ALPK1: variants seen among roughly 807,000 people sequenced by gnomAD.
ALPK1 encodes the protein alpha-protein kinase 1.
A neutral mutation model predicts 120.6 loss-of-function variants in ALPK1; 110 were observed. That is an observed-to-expected ratio of 0.91 (90% confidence interval 0.78 to 1.07). The LOEUF is 1.07. Among genes scored for constraint, ALPK1 ranks in the 50% least tolerant of loss-of-function variants. The pLI, the probability that ALPK1 is intolerant of heterozygous loss-of-function variation, is 0.00. For missense variants in ALPK1, 1,498 were observed against 1,483.9 expected (o/e 1.01, Z -0.16); for synonymous variants, 582 against 560.3 (o/e 1.04, Z -0.55).
chr4:112,388,260 A>G (rs1732240251), intron 4 of ALPK1, among the ~76,000 whole-genome samples: 1 of 152,248 alleles, frequency 6.6e-6, no homozygotes, highest in Non-Finnish European at 1.5e-5. Flanking sequence ...ATGAATAAAT[A>G]TAAGAGTTGG....
At chr4:112,343,939 T>C (rs568635439) in intron 2 of ALPK1, among the ~76,000 whole-genome samples, 1 of 152,050 alleles carries the variant, frequency 6.6e-6, no homozygotes, top group African/African-American at 2.4e-5. Context: ...ACCTCAGAGG[T>C]CGCAGGCGAG....
At chr4:112,303,382 C>G (rs766749569) in intron 1 of ALPK1, among the ~76,000 whole-genome samples, 4 of 152,162 alleles carry the variant, frequency 2.6e-5, no homozygotes, top group Non-Finnish European at 4.4e-5. Context: ...ATATTGCTAT[C>G]TGGCACTAAA....
At chr4:112,388,868 T>C (rs912305878) in intron 4 of ALPK1, among the ~76,000 whole-genome samples, 8 of 152,184 alleles carry the variant, frequency 5.3e-5, no homozygotes, top group African/African-American at 1.9e-4. Flanking sequence ...AGTTGCTCAA[T>C]CTATGTTCTT....
intron 2 of ALPK1, among the ~76,000 whole-genome samples, chr4:112,332,653 C>T (rs1234711454): frequency 6.6e-6 from 1 of 152,198 alleles, no homozygotes; most frequent in Non-Finnish European, 1.5e-5. Flanking sequence ...GTAAGGTCTT[C>T]TCTAATTCTA....
At chr4:112,372,728 C>T (rs1394628423) in intron 2 of ALPK1, among the ~76,000 whole-genome samples, 1 of 151,980 alleles carries the variant, frequency 6.6e-6, no homozygotes, top group Non-Finnish European at 1.5e-5. Context: ...TGAACTTTTT[C>T]CTCCTGTCTA....
chr4:112,415,614 G>A (rs1578553587), intron 5 of ALPK1, among the ~76,000 whole-genome samples: 2 of 150,306 alleles, frequency 1.3e-5, no homozygotes, highest in South Asian at 2.1e-4. Flanking sequence ...TCCAGCCTGG[G>A]TTACAGTGAG....
chr4:112,313,181 A>C (rs1418972414), intron 1 of ALPK1, among the ~76,000 whole-genome samples: 4 of 152,266 alleles, frequency 2.6e-5, no homozygotes, highest in African/African-American at 9.6e-5. Context: ...TGGTATTTAC[A>C]ACCATGAACT....
At chr4:112,394,848 A>G (rs935274239) in intron 4 of ALPK1, among the ~76,000 whole-genome samples, 3 of 152,350 alleles carry the variant, frequency 2.0e-5, no homozygotes, top group Admixed American at 2.0e-4. Flanking sequence ...TCAAAATGCT[A>G]GCAGAAAATG....
At position 112,424,006 on chromosome 4, in the gene ALPK1, G is replaced by A. The variant is rs1282567505; in HGVS notation, c.535+3G>A. The A allele has an allele frequency of 1.2e-6, 2 of 1,613,388 alleles. No individual in the cohort carries two copies. The highest frequency in any genetic ancestry group is 1.7e-5 in the Admixed American group (1 of 59,976). On this transcript the variant is annotated splice_donor_region_variant and intron_variant, in intron 6 of 15. Coordinates refer to ENST00000650871, the MANE Select transcript of ALPK1 (RefSeq NM_025144.4). ...AATAAGCAACAATGGAGCAACGGGT[G>A]AGTACTTTCATATCTTCACAATGAC...
chr4:112,354,471 TG>T (rs1730507278), intron 2 of ALPK1, among the ~76,000 whole-genome samples: 1 of 152,242 alleles, frequency 6.6e-6, no homozygotes, highest in African/African-American at 2.4e-5. Context: ...TTTTTGTTTT[TG>T]TTTTTTGTTT....
intron 1 of ALPK1, among the ~76,000 whole-genome samples, chr4:112,302,670 G>A (rs774351593): frequency 6.6e-6 from 1 of 152,116 alleles, no homozygotes; most frequent in East Asian, 1.9e-4. Flanking sequence ...TCAGGAGGAC[G>A]CTGCCTTCTC....
At chr4:112,352,495 C>T (rs563287120) in intron 2 of ALPK1, among the ~76,000 whole-genome samples, 19 of 152,272 alleles carry the variant, frequency 1.2e-4, no homozygotes, top group African/African-American at 4.6e-4. Flanking sequence ...TAGAAAATGG[C>T]ATAATATTTG....
At position 112,429,231 on chromosome 4, in the gene ALPK1, C is replaced by A. The variant is rs116427224; in HGVS notation, c.878C>A (p.Pro293Gln). 5.7e-4 allele frequency: 918 copies of A among 1,612,568 alleles called. 5 individuals are homozygous for A. The African/African-American group carries it at 7.7e-3, about 13-fold the overall frequency. The change falls in exon 10 of 16, where the codon CCG becomes CAG. Residue 293 changes from proline to glutamine, a missense_variant. Pro to Gln is a moderately conservative substitution (Grantham distance 76, BLOSUM62 -1). Transcript: ENST00000650871. ...GCAGCTGCCTTCAGTGCCTATACGC[C>A]GCTCTTCGTGCTCACAGCTGTGGTA... ...KLAAAFSAYTPLFVLTAVNIR... is the reference protein window; with the variant it reads ...KLAAAFSAYTQLFVLTAVNIR...
rs1458683392 is a variant in ALPK1 at position 112,431,178 on chromosome 4, C to A, written c.1631C>A (p.Ala544Glu). The change falls in exon 11 of 16, where the codon GCA (alanine) becomes GAA (glutamate). Residue 544 changes from alanine (A) to glutamate (E), a missense_variant. Physicochemically the swap from Ala to Glu is moderately radical, Grantham distance 107. Coordinates refer to ENST00000650871, the MANE Select transcript of ALPK1 (RefSeq NM_025144.4). ...AGGAGAAACTGGACCCATTCTGATG[C>A]ATTTCGAGTCTCCTTGGATCAAGAT... is the stretch of plus-strand genomic sequence containing the variant. Reference protein sequence around the residue: ...GGRRNWTHSDAFRVSLDQDVE... With the variant: ...GGRRNWTHSDEFRVSLDQDVE... The A allele has an allele frequency of 6.2e-7, 1 of 1,614,152 alleles. No individual in the cohort carries two copies. The highest frequency in any genetic ancestry group is 2.2e-5 in the East Asian group (1 of 44,880).
At chr4:112,308,370 C>G (rs1728219018) in intron 1 of ALPK1, among the ~76,000 whole-genome samples, 1 of 152,138 alleles carries the variant, frequency 6.6e-6, no homozygotes, top group East Asian at 1.9e-4. Flanking sequence ...TTCTCCCCGT[C>G]ACTCTCAGGT....
chr4:112,324,789 C>T (rs1372932662), intron 2 of ALPK1, among the ~76,000 whole-genome samples: 1 of 152,134 alleles, frequency 6.6e-6, no homozygotes, highest in Non-Finnish European at 1.5e-5. Context: ...ATCTCTCATT[C>T]TTGACATACA....
At chr4:112,357,981 C>A in intron 2 of ALPK1, 2 of 687,736 alleles carry the variant, frequency 2.9e-6, no homozygotes, top group Non-Finnish European at 5.4e-6. Context: ...ACCTTCCTGG[C>A]GGTATGCCGG....
chr4:112,427,240 C>A (rs1578564788), intron 8 of ALPK1, among the ~76,000 whole-genome samples: 1 of 152,152 alleles, frequency 6.6e-6, no homozygotes, highest in Non-Finnish European at 1.5e-5. Flanking sequence ...CCTTCAAGCT[C>A]TGTGGCAGCC....
chr4:112,427,803 C>A (rs1420952478), intron 9 of ALPK1, 138 bp downstream of exon 9: 2 of 653,952 alleles, frequency 3.1e-6, no homozygotes, highest in Non-Finnish European at 5.5e-6. Context: ...TGGGAGGAAT[C>A]CTGGGGAGGA....
Sources: gnomAD v4.1 joint callset for allele counts (sites outside exome capture counted in the v4.1 genomes callset) on GRCh38, gnomAD v4.1.1 for gene constraint, MANE v1.5 for transcripts, NCBI Gene and HGNC (gene_info 2026-07-23, HGNC 2026-07-21) for gene names.